The following EFCAB5 variants were observed in gnomAD, a reference collection of about 807,000 sequenced individuals.
EFCAB5 encodes the protein EF-hand calcium binding domain 5.
Under a neutral mutation model 167.9 loss-of-function variants are expected in EFCAB5, and 131 were observed. The ratio of observed to expected loss-of-function variants is 0.78; its 90% confidence interval spans 0.68 to 0.90. The LOEUF is 0.90. Among genes scored for constraint, EFCAB5 ranks in the 40% least tolerant of loss-of-function variants. The pLI is 0.00. For synonymous variants in EFCAB5, 574 were observed against 602.8 expected (o/e 0.95, Z 0.70); for missense variants, 1,663 against 1,745.2 (o/e 0.95, Z 0.84).
At chr17:30,097,827 C>A (rs2071325627) in intron 22 of EFCAB5, among the ~76,000 whole-genome samples, 1 of 152,142 alleles carries the variant, frequency 6.6e-6, no homozygotes, top group Admixed American at 6.5e-5. Flanking sequence ...ATTCCCACCC[C>A]TTCCATTTGT....
rs564783693 is a variant in EFCAB5, at chr17:30,012,137, A to G, written c.1044+12161A>G. 4.0e-3 allele frequency among the ~76,000 whole-genome samples: 615 copies of G among 152,308 alleles called. 4 individuals are homozygous for G. The highest frequency in any genetic ancestry group is 5.6e-3 in the Non-Finnish European group (381 of 68,022). ...AACGCCAGCGTCTGGGAAGACGCCCATTGCCAGGCAGACCGTGGTCTAGCA... is the reference window on the plus strand; with the variant it reads ...AACGCCAGCGTCTGGGAAGACGCCCGTTGCCAGGCAGACCGTGGTCTAGCA... On this transcript the variant is annotated intron_variant, in intron 7 of 22. Transcript: ENST00000394835.
chr17:30,020,942 G>GTAATAAAGCTTACACTAGAAGA (rs71138867), intron 7 of EFCAB5, among the ~76,000 whole-genome samples: 3 of 151,784 alleles, frequency 2.0e-5, no homozygotes, highest in Admixed American at 6.6e-5. Flanking sequence ...ACAAATTATT[G>GTAATAAAGCTTACACTAGAAGA]TATCAGCATG....
chr17:30,062,716 G>T (rs887091290), intron 14 of EFCAB5, among the ~76,000 whole-genome samples: 1 of 152,144 alleles, frequency 6.6e-6, no homozygotes, highest in Admixed American at 6.5e-5. Flanking sequence ...TCAGGCCAGT[G>T]GCCCAGCATC....
At chr17:30,033,358 G>C (rs2069531789) in intron 7 of EFCAB5, among the ~76,000 whole-genome samples, 1 of 152,178 alleles carries the variant, frequency 6.6e-6, no homozygotes, top group African/African-American at 2.4e-5. Context: ...GATTACAGGC[G>C]TGAGCCACCG....
chr17:29,996,625 T>C (rs946416608), intron 6 of EFCAB5, among the ~76,000 whole-genome samples: 1 of 152,216 alleles, frequency 6.6e-6, no homozygotes, highest in African/African-American at 2.4e-5. Context: ...AGAAAATATT[T>C]CTTACATACA....
chr17:29,984,150 A>G (rs1381170681), intron 4 of EFCAB5, among the ~76,000 whole-genome samples: 4 of 151,976 alleles, frequency 2.6e-5, no homozygotes, highest in Admixed American at 1.3e-4. Context: ...TGTATGAATG[A>G]ATAATGCAAA....
In EFCAB5 at chr17:30,034,233, A is replaced by C. The variant is rs374509941; in HGVS notation, c.1048A>C (p.Ile350Leu). 2 of 1,613,830 alleles carry C rather than the reference A, an allele frequency of 1.2e-6. No homozygotes were observed. Among genetic ancestry groups the C allele is most frequent in the Non-Finnish European group, 1.7e-6 (2 of 1,179,820 alleles). Residue 350 changes from isoleucine to leucine, a missense_variant, in exon 8 of 23, where the codon ATC becomes CTC. Physicochemically the swap from Ile to Leu is conservative, Grantham distance 5. Transcript: ENST00000394835. ...RLNKMEFTEY[I>L]SSHIKDLKSE... is the part of the protein sequence containing the mutation. Reference sequence around the variant, plus strand: ...TCCTCTTTTTTTTCCCCTGTAGTACATCTCTTCACATATTAAAGACTTGAA... The same window carrying C: ...TCCTCTTTTTTTTCCCCTGTAGTACCTCTCTTCACATATTAAAGACTTGAA...
intron 22 of EFCAB5, among the ~76,000 whole-genome samples, chr17:30,105,568 G>C (rs957214646): frequency 6.6e-6 from 1 of 152,170 alleles, no homozygotes; most frequent in Non-Finnish European, 1.5e-5. Flanking sequence ...AATATTTTAA[G>C]TATGTATGTC....
chr17:30,082,008 C>T (rs1196171787), intron 17 of EFCAB5, among the ~76,000 whole-genome samples: 1 of 152,228 alleles, frequency 6.6e-6, no homozygotes, highest in East Asian at 1.9e-4. Context: ...TTTGTGATTC[C>T]TAGAGTTTCC....
chr17:30,080,885 T>C lies in EFCAB5; in HGVS notation c.3330T>C (p.Asp1110=). The C allele has an allele frequency of 1.9e-6, 3 of 1,613,878 alleles. No individual in the cohort carries two copies. Among genetic ancestry groups the C allele is most frequent in the Non-Finnish European group, 2.5e-6 (3 of 1,179,842 alleles). The part of the protein sequence containing the change: ...NGSFLALPLQ[D]AYMRIFGVLA... ...CATTCCTGGCTCTGCCTCTTCAAGA[T>C]GCATATATGAGGATCTTTGGGGTCT... is the stretch of plus-strand genomic sequence containing the variant. Residue 1110 remains aspartate, a synonymous_variant, in exon 17 of 23, where the codon GAT becomes GAC. Transcript: ENST00000394835.
Position 30,055,895 on chromosome 17 carries a change from A to T in EFCAB5, c.2202A>T (p.Thr734=), listed in dbSNP as rs2070247611. 1 of 1,612,032 alleles carries T rather than the reference A, an allele frequency of 6.2e-7. No individual in the cohort carries two copies. The highest frequency in any genetic ancestry group is 1.7e-5 in the Admixed American group (1 of 59,598). ...TTCATTTGCACCTTTTAGAAACTAC[A>T]AAAAAGGAAGTTCAGAAAGACAAGC... is the stretch of plus-strand genomic sequence containing the variant. ...LSRKDHFPET[T]KKEVQKDKPC... Residue 734 remains threonine, a synonymous_variant, in exon 11 of 23, where the codon ACA becomes ACT. Transcript: ENST00000394835.
At chr17:30,029,267 T>G (rs1265622606) in intron 7 of EFCAB5, among the ~76,000 whole-genome samples, 1 of 152,202 alleles carries the variant, frequency 6.6e-6, no homozygotes, top group Non-Finnish European at 1.5e-5. Context: ...AAAATGCATT[T>G]AATTCATCTA....
chr17:30,090,502 T>A lies in EFCAB5; in HGVS notation c.3765T>A (p.Leu1255=), dbSNP rs1369385262. ...ACGETHIVVP[L]RERTGEALGV... ...GAGAAACGCATATAGTAGTTCCACT[T>A]CGTGAGAGAACAGGAGAGGCTCTGG... Residue 1255 remains leucine, a synonymous_variant, in exon 20 of 23, where the codon CTT becomes CTA. Transcript: ENST00000394835. 1.2e-6 allele frequency: 2 copies of A among 1,614,028 alleles called. No individual in the cohort carries two copies. Among genetic ancestry groups the A allele is most frequent in the Non-Finnish European group, 1.7e-6 (2 of 1,179,878 alleles).
chr17:30,026,961 CTTTTTTTTTTTTTTTTTTTTTTTTTTT>C (rs71138868), intron 7 of EFCAB5, among the ~76,000 whole-genome samples: 12 of 64,550 alleles, frequency 1.9e-4, no homozygotes, highest in South Asian at 1.1e-3. Flanking sequence ...CTCCTTGTAC[CTTTTTTTTTTTTTTTTTTTTTTTTTTT>C]TTTTTTTTTT....
intron 4 of EFCAB5, among the ~76,000 whole-genome samples, chr17:29,987,528 C>A (rs1390642629): frequency 6.6e-6 from 1 of 152,204 alleles, no homozygotes; most frequent in African/African-American, 2.4e-5. Context: ...AGATGCTGTT[C>A]AGCTGCTGAT....
intron 22 of EFCAB5, among the ~76,000 whole-genome samples, chr17:30,096,416 A>T (rs1253749133): frequency 3.3e-5 from 5 of 151,876 alleles, no homozygotes; most frequent in Non-Finnish European, 7.4e-5. Context: ...GGTGGCATGC[A>T]CCTGTGGTCC....
chr17:29,946,743 T>A (rs1012625316), intron 3 of EFCAB5, among the ~76,000 whole-genome samples: 1 of 152,114 alleles, frequency 6.6e-6, no homozygotes, highest in African/African-American at 2.4e-5. Context: ...CGGCTGAGTA[T>A]GGAAATTTCT....
At chr17:29,960,201 G>T (rs540309322) in intron 3 of EFCAB5, among the ~76,000 whole-genome samples, 1 of 152,298 alleles carries the variant, frequency 6.6e-6, no homozygotes, top group South Asian at 2.1e-4. Flanking sequence ...GCCACTGCTG[G>T]GGGATGGAGG....
rs1384400331 is a variant in EFCAB5, at chr17:30,042,303, C to T, written c.1200+7918C>T. On this transcript the variant is annotated intron_variant, in intron 8 of 22. Coordinates refer to ENST00000394835, the MANE Select transcript of EFCAB5 (RefSeq NM_198529.4). The stretch of plus-strand genomic sequence containing the variant: ...GGATTACAGGTGTGAGCCACCACAC[C>T]CAGCCATAAACATAGCTTTTATATG... Among the ~76,000 whole-genome samples the T allele has an allele frequency of 3.3e-5, 5 of 152,310 alleles. No homozygotes were observed. In the East Asian group the frequency reaches 9.6e-4, roughly 29 times the overall value.
Sources: gnomAD v4.1 joint callset for allele counts (sites outside exome capture counted in the v4.1 genomes callset) on GRCh38, gnomAD v4.1.1 for gene constraint, MANE v1.5 for transcripts, NCBI Gene and HGNC (gene_info 2026-07-23, HGNC 2026-07-21) for gene names.